The following NOTCH3 variants were observed in gnomAD, a reference collection of about 807,000 sequenced individuals.
NOTCH3 encodes the protein neurogenic locus notch homolog protein 3.
Under a neutral mutation model 213.3 loss-of-function variants are expected in NOTCH3, and 86 were observed. That is an observed-to-expected ratio of 0.40 (90% CI 0.34 to 0.48). NOTCH3 has a LOEUF of 0.48. Ranked by LOEUF, NOTCH3 falls within the 20% of genes least tolerant of loss-of-function variation. The pLI, the probability that NOTCH3 is intolerant of heterozygous loss-of-function variation, is 0.57. For synonymous variants in NOTCH3, 1,354 were observed against 1,355.9 expected, an observed-to-expected ratio of 1.00 and a Z score of 0.03; for missense variants, 2,783 against 3,272.6, an observed-to-expected ratio of 0.85 and a Z score of 3.65.
chr19:15,165,648 C>A lies in NOTCH3; in HGVS notation c.5668-133G>T, dbSNP rs2046679708. The A allele has an allele frequency of 1.8e-5, 22 of 1,215,878 alleles. 1 individual carries two copies. In the South Asian group the frequency reaches 2.8e-4, roughly 16 times the overall value. 75.3% of individuals were successfully genotyped at this position (1,215,878 alleles called of 1,614,324 possible). On this transcript the variant is annotated intron_variant, in intron 30 of 32. Transcript: ENST00000263388. The surrounding 1 kb of genome is among the most constrained non-coding windows in gnomAD (Gnocchi z 4.7). ...ATTGGTGAGGTTCAGGGAGCAGCTG[C>A]TTGACAGATACTGTATTCCCATATA...
In NOTCH3 at chr19:15,177,876, C is replaced by T. The variant is rs2046805144; in HGVS notation, c.4052G>A (p.Arg1351His). 2.4e-6 allele frequency: 3 copies of T among 1,233,138 alleles called. No individual in the cohort carries two copies. The South Asian group carries it at 1.1e-4, about 43-fold the overall frequency. 76.4% of individuals were successfully genotyped at this position (1,233,138 alleles called of 1,614,324 possible). The change falls in exon 24 of 33, where the codon CGC becomes CAC. Residue 1351 changes from arginine (R) to histidine (H), a missense_variant. Arg to His is a conservative substitution (Grantham distance 29, BLOSUM62 0). This residue lies in a region of NOTCH3 where 133 missense variants were observed against 201.9 expected (regional missense o/e 0.66). Transcript: ENST00000263388. ...GAAGAAGGGCGCGAGCGGCGCGGGG[C>T]GGCAGGAGCCCCCGTGGAGACAGGG... The part of the protein sequence containing the change: ...AAPCLHGGSC[R>H]PAPLAPFFRC...
At chr19:15,174,826 G>A (rs1018795408) in intron 24 of NOTCH3, among the ~76,000 whole-genome samples, 8 of 152,088 alleles carry the variant, frequency 5.3e-5, no homozygotes, top group African/African-American at 1.7e-4. Context: ...CACCTGCCTC[G>A]GCCTCCCAAA....
intron 31 of NOTCH3, among the ~76,000 whole-genome samples, chr19:15,164,249 T>A (rs956994090): frequency 3.5e-5 from 5 of 142,046 alleles, no homozygotes; most frequent in South Asian, 2.3e-4. Context: ...TTTTTGTTTT[T>A]AAAAAAAAGG....
In NOTCH3 at chr19:15,192,420, A is replaced by C. The variant is rs2145443216; in HGVS notation, c.297T>G (p.Ala99=). The C allele has an allele frequency of 1.9e-6, 3 of 1,612,378 alleles. No homozygotes were observed. The highest frequency in any genetic ancestry group is 2.5e-6 in the Non-Finnish European group (3 of 1,179,918). Residue 99 remains alanine, a synonymous_variant, in exon 3 of 33, where the codon GCT becomes GCG. Coordinates refer to ENST00000263388, the MANE Select transcript of NOTCH3 (RefSeq NM_000435.3). ...GRGVCQSSVV[A]GTARFSCRCP... is the part of the protein sequence containing the mutation. ...ACCGGCATGAGAATCGGGCGGTGCC[A>C]GCCACCACTGAACTCTGGCAGACAC...
chr19:15,168,410 A>G (rs1033435790), intron 28 of NOTCH3, among the ~76,000 whole-genome samples: 20 of 152,304 alleles, frequency 1.3e-4, no homozygotes, highest in African/African-American at 4.6e-4. Context: ...AAATTGAAGT[A>G]TATGTCAATA....
In NOTCH3 at chr19:15,161,637, G is replaced by T. The variant is rs757763388; in HGVS notation, c.5991C>A (p.Asn1997Lys). ...AAKLLLDHFANREITDHLDRL... is the reference protein window; with the variant it reads ...AAKLLLDHFAKREITDHLDRL... ...TGTCCAGGTGGTCGGTGATCTCACG[G>T]TTGGCAAAGTGGTCCAACAGCAGCT... Residue 1997 changes from asparagine (N) to lysine (K), a missense_variant, in exon 33 of 33, where the codon AAC (asparagine) becomes AAA (lysine). By Grantham distance (94) the Asn-to-Lys change is moderately conservative. This residue lies in a region of NOTCH3 where 636 missense variants were observed against 801.8 expected (regional missense o/e 0.79). Coordinates refer to ENST00000263388, the MANE Select transcript of NOTCH3 (RefSeq NM_000435.3). The T allele has an allele frequency of 6.2e-7, 1 of 1,613,804 alleles. No homozygotes were observed. Among genetic ancestry groups the T allele is most frequent in the Non-Finnish European group, 8.5e-7 (1 of 1,179,894 alleles).
Position 15,185,562 on chromosome 19 carries a change from G to A in NOTCH3, c.2069C>T (p.Pro690Leu). 1 of 1,612,704 alleles carries A rather than the reference G, an allele frequency of 6.2e-7. No homozygotes were observed. The highest frequency in any genetic ancestry group is 8.5e-7 in the Non-Finnish European group (1 of 1,179,684). Residue 690 changes from proline (P) to leucine (L), a missense_variant, in exon 13 of 33, where the codon CCA becomes CTA. Around this residue, in one of 6 missense-constraint regions of NOTCH3, gnomAD observed 861 missense variants for 909.1 expected, o/e 0.95. Coordinates refer to ENST00000263388, the MANE Select transcript of NOTCH3 (RefSeq NM_000435.3). This position sits in a 1 kb window ranked among gnomAD's most constrained non-coding sequence, Gnocchi z 4.2. ...RCLCPPGSLP[P>L]LCLPPSHPCA... Reference sequence around the variant, plus strand: ...GGGATGGCTCGGGGGGAGGCAGAGTGGGGGCAAGGAGCCAGGCGGGCAGAG... The same window carrying A: ...GGGATGGCTCGGGGGGAGGCAGAGTAGGGGCAAGGAGCCAGGCGGGCAGAG...
At chr19:15,186,200 G>C (rs1314440482) in intron 12 of NOTCH3, among the ~76,000 whole-genome samples, 1 of 152,174 alleles carries the variant, frequency 6.6e-6, no homozygotes, top group East Asian at 1.9e-4. Context: ...CTGGGCTCAA[G>C]TGATCCTCAT....
chr19:15,175,571 ATATG>A (rs1450599580), intron 24 of NOTCH3, among the ~76,000 whole-genome samples: 12 of 37,072 alleles, frequency 3.2e-4, no homozygotes, highest in South Asian at 1.8e-3. Flanking sequence ...ATATATATAT[ATATG>A]TATATATATG....
chr19:15,191,706 G>A (rs751121428), intron 5 of NOTCH3, 39 bp downstream of exon 5: 24 of 1,613,344 alleles, frequency 1.5e-5, no homozygotes, highest in Admixed American at 8.3e-5. Context: ...ATGTCCACCC[G>A]AGGCCTGCCT....
chr19:15,184,188 G>A lies in NOTCH3; in HGVS notation c.2566+107C>T. 4.2e-6 allele frequency: 5 copies of A among 1,178,286 alleles called. No individual in the cohort carries two copies. In the Admixed American group the frequency reaches 7.8e-5, roughly 18 times the overall value. 73.0% of individuals were successfully genotyped at this position (1,178,286 alleles called of 1,614,324 possible). A position where few individuals can be genotyped will look rare whatever the true frequency, so the allele number is the denominator to read the frequency against. On this transcript the variant is annotated intron_variant, in intron 16 of 32. Coordinates refer to ENST00000263388, the MANE Select transcript of NOTCH3 (RefSeq NM_000435.3). ...TTTCCATATAAATAAAACGGGAAAA[G>A]TAAGATAACTGTGAAGATGAAATGA... is the stretch of plus-strand genomic sequence containing the variant.
At position 15,187,969 on chromosome 19, in the gene NOTCH3, C is replaced by T; in HGVS notation, c.1518G>A (p.Leu506=). The part of the protein sequence containing the change: ...PSGFSGSTCQ[L]DVDECASTPC... ...GCGTGCTGGCGCATTCGTCCACGTCCAGCTGACACGTGGAGCCGCTGAAGC... is the reference window on the plus strand; with the variant it reads ...GCGTGCTGGCGCATTCGTCCACGTCTAGCTGACACGTGGAGCCGCTGAAGC... Residue 506 remains leucine, a synonymous_variant, in exon 10 of 33, where the codon CTG becomes CTA. Transcript: ENST00000263388. 1 of 1,550,996 alleles carries T rather than the reference C, an allele frequency of 6.4e-7. No individual in the cohort carries two copies. The highest frequency in any genetic ancestry group is 8.7e-7 in the Non-Finnish European group (1 of 1,146,972).
In NOTCH3 at chr19:15,192,424, A is replaced by G. The variant is rs1470690834; in HGVS notation, c.293T>C (p.Val98Ala). ...GCATGAGAATCGGGCGGTGCCAGCC[A>G]CCACTGAACTCTGGCAGACACCACG... ...AGRGVCQSSV[V>A]AGTARFSCRC... The change falls in exon 3 of 33, where the codon GTG becomes GCG. Residue 98 changes from valine to alanine, a missense_variant. Val to Ala is a moderately conservative substitution (Grantham distance 64). This residue lies in a region of NOTCH3 where 708 missense variants were observed against 906.6 expected (regional missense o/e 0.78). Transcript: ENST00000263388. 5.0e-6 allele frequency: 8 copies of G among 1,612,806 alleles called. No homozygotes were observed. Among genetic ancestry groups the G allele is most frequent in the Non-Finnish European group, 5.9e-6 (7 of 1,179,974 alleles).
rs2145417628 is a variant in NOTCH3 at position 15,179,109 on chromosome 19, C to T, written c.3634G>A (p.Gly1212Ser). 1.2e-6 allele frequency: 2 copies of T among 1,614,212 alleles called. No individual in the cohort carries two copies. The highest frequency in any genetic ancestry group is 1.7e-6 in the Non-Finnish European group (2 of 1,180,050). Reference protein sequence around the residue: ...CEADINECRSGACHAAHTRDC... With the variant: ...CEADINECRSSACHAAHTRDC... ...CGGGTGTGTGCCGCGTGGCAGGCAC[C>T]TGAGCGACACTCATTGATGTCTGCC... is the stretch of plus-strand genomic sequence containing the variant. The change falls in exon 22 of 33, where the codon GGT (glycine) becomes AGT (serine). Residue 1212 changes from glycine to serine, a missense_variant. Around this residue, in one of 6 missense-constraint regions of NOTCH3, gnomAD observed 861 missense variants for 909.1 expected, o/e 0.95. Transcript: ENST00000263388.
At chr19:15,166,822 C>T (rs1205973688) in intron 29 of NOTCH3, among the ~76,000 whole-genome samples, 1 of 152,188 alleles carries the variant, frequency 6.6e-6, no homozygotes, top group South Asian at 2.1e-4. Flanking sequence ...GACCCGACCC[C>T]CACCAGCTCA....
Position 15,178,959 on chromosome 19 carries a change from T to C in NOTCH3, c.3719-18A>G, listed in dbSNP as rs754301236. 5.5e-5 allele frequency: 89 copies of C among 1,613,842 alleles called. No homozygotes were observed. Among genetic ancestry groups the C allele is most frequent in the Non-Finnish European group, 7.5e-5 (88 of 1,179,990 alleles). On this transcript the variant is annotated intron_variant, in intron 22 of 32. Coordinates refer to ENST00000263388, the MANE Select transcript of NOTCH3 (RefSeq NM_000435.3). ...GCGAGGACCTGAGCGAGCGGGAGCA[T>C]GTAGATCAGCCACAATGGGGGAATG... is the stretch of plus-strand genomic sequence containing the variant.
At chr19:15,187,709 C>A (rs962170542) in intron 10 of NOTCH3, among the ~76,000 whole-genome samples, 172 bp downstream of exon 10, 15 of 152,136 alleles carry the variant, frequency 9.9e-5, no homozygotes, top group Admixed American at 9.8e-4. Flanking sequence ...TTTGGCTCCA[C>A]ACGTAGCCTT....
intron 8 of NOTCH3, among the ~76,000 whole-genome samples, chr19:15,188,590 T>C (rs2046902997): frequency 6.6e-6 from 1 of 151,762 alleles, no homozygotes; most frequent in Admixed American, 6.6e-5. Context: ...CCTCCTCCTC[T>C]CCCCAGTCCT....
At chr19:15,168,758 T>C (rs953704292) in intron 28 of NOTCH3, among the ~76,000 whole-genome samples, 9 of 151,988 alleles carry the variant, frequency 5.9e-5, no homozygotes, top group Non-Finnish European at 1.2e-4. Flanking sequence ...CACTTGAACC[T>C]GGGAGGTGGA....
Sources: allele counts gnomAD v4.1 joint callset (sites outside exome capture counted in the v4.1 genomes callset), GRCh38; gene constraint gnomAD v4.1.1; regional missense constraint gnomAD v4.1.1; non-coding constraint Gnocchi (gnomAD v3.1); transcripts MANE v1.5; gene names NCBI Gene and HGNC (gene_info 2026-07-23, HGNC 2026-07-21).